The following TRIP12 variants were observed in gnomAD, a reference collection of about 807,000 sequenced individuals.
TRIP12 encodes the protein thyroid hormone receptor interactor 12.
A neutral mutation model predicts 244.2 loss-of-function variants in TRIP12; 25 were observed. The observed-to-expected ratio is 0.10, with a 90% confidence interval of 0.07 to 0.14. TRIP12 has a LOEUF of 0.14. TRIP12 is among the 10% of genes least tolerant of loss of function. TRIP12 has a pLI of 1.00. For synonymous variants in TRIP12, 905 were observed against 873.1 expected (o/e 1.04, Z -0.64); for missense variants, 1,677 against 2,486.4 (o/e 0.67, Z 6.92).
intron 6 of TRIP12, 79 bp from the exon 7 acceptor site, chr2:229,830,918 G>C: frequency 1.5e-6 from 2 of 1,299,282 alleles, no homozygotes; most frequent in Admixed American, 3.8e-5. Flanking sequence ...AAAAACCAAA[G>C]TTTTGCGGAC....
At chr2:229,844,475 A>G (rs1242507593) in intron 4 of TRIP12, among the ~76,000 whole-genome samples, 1 of 152,222 alleles carries the variant, frequency 6.6e-6, no homozygotes, top group Non-Finnish European at 1.5e-5. Context: ...CCATTCTTAC[A>G]TGATCTATGT....
intron 1 of TRIP12, among the ~76,000 whole-genome samples, chr2:229,889,749 A>G (rs2066887251): frequency 6.6e-6 from 1 of 152,188 alleles, no homozygotes; most frequent in Admixed American, 6.5e-5. Flanking sequence ...TAAAGATATA[A>G]TAATACCATT....
In TRIP12 at chr2:229,789,700, T is replaced by A. The variant is rs902423945; in HGVS notation, c.4606A>T (p.Asn1536Tyr). Reference protein sequence around the residue: ...EVYLIPTPPENITFEDPSLDV... With the variant: ...EVYLIPTPPEYITFEDPSLDV... ...AATGACGGGTCTTCAAATGTTATAT[T>A]TTCAGGTGGTGTGGGAATGAGGTAA... The change falls in exon 31 of 42, where the codon AAT becomes TAT. Residue 1536 changes from asparagine (N) to tyrosine (Y), a missense_variant. Physicochemically the swap from Asn to Tyr is moderately radical, Grantham distance 143. Transcript: ENST00000675903. 2 of 1,613,960 alleles carry A rather than the reference T, an allele frequency of 1.2e-6. No homozygotes were observed. Among genetic ancestry groups the A allele is most frequent in the African/African-American group, 2.7e-5 (2 of 74,896 alleles).
chr2:229,778,896 ACTT>A lies in TRIP12; in HGVS notation c.5186_5188del (p.Glu1729del). The stretch of plus-strand genomic sequence containing the variant: ...ATTACCTTTTGGATTGCTAAGAGTT[ACTT>A]CTTCACCTCTCCAAAGACCCAAGTC... On this transcript the variant is annotated inframe_deletion, in exon 35 of 42. Transcript: ENST00000675903. This position sits in a 1 kb window ranked among gnomAD's most constrained non-coding sequence, Gnocchi z 4.1. 1.9e-6 allele frequency: 3 copies of A among 1,613,932 alleles called. No homozygotes were observed. The highest frequency in any genetic ancestry group is 2.5e-6 in the Non-Finnish European group (3 of 1,179,824).
intron 2 of TRIP12, among the ~76,000 whole-genome samples, chr2:229,878,880 C>T (rs1279345340): frequency 6.6e-6 from 1 of 151,870 alleles, no homozygotes; most frequent in African/African-American, 2.4e-5. Context: ...CCGCGCCCGG[C>T]CTAAAAAATT....
chr2:229,831,251 A>ATGT (rs369124125), intron 6 of TRIP12: 112 of 656,554 alleles, frequency 1.7e-4, no homozygotes, highest in African/African-American at 1.7e-3. Flanking sequence ...TTTGGGGGAA[A>ATGT]TGTTGTATGT....
At chr2:229,796,559 A>G (rs1356309280) in intron 25 of TRIP12, 32 bp downstream of exon 25, 2 of 1,524,150 alleles carry the variant, frequency 1.3e-6, no homozygotes, top group Middle Eastern at 1.9e-4. Context: ...ACTGATTCTT[A>G]AAAGATACAC....
Position 229,765,095 on chromosome 2 carries a change from A to G in TRIP12, c.*2459T>C. On this transcript the variant is annotated 3_prime_UTR_variant, in exon 42 of 42. Transcript: ENST00000675903. ...ATTTAGCTACCTCTTCCTTCTTGGA[A>G]TAGTTAAAAATACGTTCTCATATAT... The G allele has an allele frequency of 6.6e-6, 1 of 152,182 alleles. No individual in the cohort carries two copies. The highest frequency in any genetic ancestry group is 1.9e-4 in the East Asian group (1 of 5,198). The allele number at this position is 152,182 out of a possible 1,614,324, so 9.4% of individuals were successfully genotyped here.
chr2:229,859,054 A>G lies in TRIP12; in HGVS notation c.745T>C (p.Ser249Pro). Reference sequence around the variant, plus strand: ...GTGGAGGAGGCCGAGGCTACAGCAGAAGACGAGGAGGAAGTAGAGGCAGCA... The same window carrying G: ...GTGGAGGAGGCCGAGGCTACAGCAGGAGACGAGGAGGAAGTAGAGGCAGCA... ...SSAASTSSSS[S>P]AVASASSTVP... The change falls in exon 4 of 42, where the codon TCT becomes CCT. Residue 249 changes from serine to proline, a missense_variant. Ser to Pro is a moderately conservative substitution (Grantham distance 74). Around this residue, in one of 11 missense-constraint regions of TRIP12, gnomAD observed 387 missense variants for 392.6 expected, o/e 0.99. Transcript: ENST00000675903. 6.2e-7 allele frequency: 1 copy of G among 1,614,188 alleles called. No individual in the cohort carries two copies. The highest frequency in any genetic ancestry group is 8.5e-7 in the Non-Finnish European group (1 of 1,180,028).
intron 21 of TRIP12, among the ~76,000 whole-genome samples, chr2:229,801,864 T>C (rs924393515): frequency 1.3e-5 from 2 of 152,222 alleles, no homozygotes; most frequent in African/African-American, 4.8e-5. Flanking sequence ...ACTGTATTAA[T>C]ATCTGGATGT....
intron 37 of TRIP12, among the ~76,000 whole-genome samples, chr2:229,775,383 AT>A (rs1438638534): frequency 3.5e-5 from 5 of 142,490 alleles, no homozygotes; most frequent in African/African-American, 1.4e-4. Context: ...CAGCACAAAG[AT>A]TTAAAAAAAA....
intron 4 of TRIP12, among the ~76,000 whole-genome samples, chr2:229,853,995 A>G (rs1576076397): frequency 6.6e-6 from 1 of 152,218 alleles, no homozygotes; most frequent in Admixed American, 6.5e-5. Context: ...TATATAGGTT[A>G]CATGTTTACA....
At chr2:229,834,643 C>T (rs2054308461) in intron 6 of TRIP12, among the ~76,000 whole-genome samples, 2 of 150,656 alleles carry the variant, frequency 1.3e-5, no homozygotes, top group Admixed American at 1.3e-4. Flanking sequence ...ACTTGTAGTC[C>T]CAACTACTTA....
intron 2 of TRIP12, among the ~76,000 whole-genome samples, chr2:229,872,380 A>C (rs1483788293): frequency 6.6e-6 from 1 of 152,198 alleles, no homozygotes; most frequent in Non-Finnish European, 1.5e-5. Flanking sequence ...CCTGGCCAAC[A>C]AAGTGAAACC....
intron 1 of TRIP12, among the ~76,000 whole-genome samples, chr2:229,896,306 A>T (rs915716693): frequency 3.3e-5 from 5 of 152,102 alleles, no homozygotes; most frequent in Non-Finnish European, 7.4e-5. Flanking sequence ...TACTTTGTAA[A>T]ACAGGCAGGC....
intron 6 of TRIP12, among the ~76,000 whole-genome samples, chr2:229,831,887 G>GT (rs35424089): frequency 0.47 from 63,763 of 136,540 alleles, 15,081 homozygotes; most frequent in Middle Eastern, 0.61. Flanking sequence ...TGTTTTTTGG[G>GT]TTTTTTTTTT....
At chr2:229,862,861 C>G (rs2060690485) in intron 2 of TRIP12, among the ~76,000 whole-genome samples, 2 of 152,294 alleles carry the variant, frequency 1.3e-5, no homozygotes, top group South Asian at 4.1e-4. Context: ...CATGTAAACT[C>G]TCTATATTAT....
intron 33 of TRIP12, 48 bp from the exon 34 acceptor site, chr2:229,785,903 C>A: frequency 6.6e-7 from 1 of 1,505,454 alleles, no homozygotes; most frequent in South Asian, 1.2e-5. Flanking sequence ...ACCCATATTA[C>A]ACTTTAATAA....
chr2:229,854,580 G>T (rs1480859216), intron 4 of TRIP12, among the ~76,000 whole-genome samples: 1 of 152,132 alleles, frequency 6.6e-6, no homozygotes, highest in Non-Finnish European at 1.5e-5. Context: ...CTGAAAAAAT[G>T]GCAGAACTAA....
Sources: gnomAD v4.1 joint callset for allele counts (sites outside exome capture counted in the v4.1 genomes callset) on GRCh38, gnomAD v4.1.1 for gene constraint, gnomAD v4.1.1 regional missense constraint, Gnocchi (gnomAD v3.1) non-coding constraint, MANE v1.5 for transcripts, NCBI Gene and HGNC (gene_info 2026-07-23, HGNC 2026-07-21) for gene names.